The following MYCBP2 variants were observed in gnomAD, a reference collection of about 807,000 sequenced individuals.
The protein encoded by MYCBP2 is MYC binding protein 2.
MYCBP2 carries 120 observed loss-of-function variants against 525.3 expected under a neutral mutation model. The observed-to-expected ratio is 0.23, with a 90% CI of 0.20 to 0.27. The LOEUF (loss-of-function observed/expected upper bound fraction) is 0.27. MYCBP2 is among the 10% of genes least tolerant of loss of function. MYCBP2 has a pLI of 1.00. For missense variants in MYCBP2, 4,149 were observed against 5,657.1 expected, an observed-to-expected ratio of 0.73 and a Z score of 8.55; for synonymous variants, 1,894 against 1,955.8, an observed-to-expected ratio of 0.97 and a Z score of 0.83.
chr13:77,245,487 T>C (rs1482846011), intron 15 of MYCBP2, among the ~76,000 whole-genome samples: 3 of 151,854 alleles, frequency 2.0e-5, no homozygotes, highest in Non-Finnish European at 4.4e-5. Flanking sequence ...ACCATCATTC[T>C]CAGCAAACTA....
chr13:77,070,290 T>C (rs1411362780), intron 69 of MYCBP2, among the ~76,000 whole-genome samples: 1 of 152,216 alleles, frequency 6.6e-6, no homozygotes, highest in African/African-American at 2.4e-5. Flanking sequence ...CATAAATTTT[T>C]CAAAATACTT....
Position 77,224,517 on chromosome 13 carries a change from T to G in MYCBP2, c.2873A>C (p.Asn958Thr), listed in dbSNP as rs2065992041. Residue 958 changes from asparagine (N) to threonine (T), a missense_variant, in exon 20 of 83, where the codon AAT becomes ACT. Physicochemically the swap from Asn to Thr is moderately conservative, Grantham distance 65. Around this residue, in one of 21 missense-constraint regions of MYCBP2, gnomAD observed 620 missense variants for 795.5 expected, o/e 0.78. Coordinates refer to ENST00000544440, the MANE Select transcript of MYCBP2 (RefSeq NM_015057.5). ...ATAACCAAATGTATAGACATCTCCA[T>G]TTTCCATTAAAACCACTGCAACCAA... ...GFHHSVVLME[N>T]GDVYTFGYGQ... 1 of 1,605,900 alleles carries G rather than the reference T, an allele frequency of 6.2e-7. No homozygotes were observed. Among genetic ancestry groups the G allele is most frequent in the South Asian group, 1.1e-5 (1 of 89,544 alleles).
chr13:77,200,723 G>A lies in MYCBP2; in HGVS notation c.3843+4533C>T, dbSNP rs12428510. On this transcript the variant is annotated intron_variant, in intron 26 of 82. Coordinates refer to ENST00000544440, the MANE Select transcript of MYCBP2 (RefSeq NM_015057.5). ...CAGAAACTCTACAAGCCAGAAGAGA[G>A]TGGGGGCCAATATTCAACATTCTTT... 2.0e-5 allele frequency among the ~76,000 whole-genome samples: 3 copies of A among 152,316 alleles called. No individual in the cohort carries two copies. The South Asian group carries it at 6.2e-4, about 32-fold the overall frequency.
At chr13:77,323,766 T>C (rs1774318682) in intron 1 of MYCBP2, among the ~76,000 whole-genome samples, 1 of 152,198 alleles carries the variant, frequency 6.6e-6, no homozygotes, top group Non-Finnish European at 1.5e-5. Context: ...GTGCTAGACA[T>C]TGGGATTATC....
chr13:77,312,044 A>C (rs2080309163), intron 1 of MYCBP2, among the ~76,000 whole-genome samples: 1 of 152,156 alleles, frequency 6.6e-6, no homozygotes, highest in African/African-American at 2.4e-5. Flanking sequence ...TTTACATTAC[A>C]AAGATTTTTC....
At chr13:77,314,089 G>C (rs1038704476) in intron 1 of MYCBP2, among the ~76,000 whole-genome samples, 1 of 152,150 alleles carries the variant, frequency 6.6e-6, no homozygotes, top group Non-Finnish European at 1.5e-5. Flanking sequence ...TTGTAAGACA[G>C]TTTGGTGATT....
rs1172838387 is a variant in MYCBP2, at chr13:77,178,245, GA to G, written c.5134-292del. ...GCTTGTCTTATCAGTCATAATGTAT[GA>G]ATAAATCATCAGACTTTGAAAAGAG... On this transcript the variant is annotated intron_variant, in intron 34 of 82. Coordinates refer to ENST00000544440, the MANE Select transcript of MYCBP2 (RefSeq NM_015057.5). Among the ~76,000 whole-genome samples the G allele has an allele frequency of 1.1e-4, 16 of 152,126 alleles. 1 individual carries two copies.
At chr13:77,162,770 C>T (rs1382378605) in intron 43 of MYCBP2, among the ~76,000 whole-genome samples, 1 of 152,132 alleles carries the variant, frequency 6.6e-6, no homozygotes, top group East Asian at 1.9e-4. Flanking sequence ...GATTCTCCTG[C>T]CCCAGCCTCC....
chr13:77,251,001 T>C, intron 15 of MYCBP2, 150 bp downstream of exon 15: 1 of 545,896 alleles, frequency 1.8e-6, no homozygotes, highest in Non-Finnish European at 3.2e-6. Context: ...TTATAAGAAT[T>C]ATAATACTTT....
intron 18 of MYCBP2, 26 bp downstream of exon 18, chr13:77,233,130 C>T (rs549354641): frequency 6.3e-7 from 1 of 1,589,082 alleles, no homozygotes; most frequent in East Asian, 2.2e-5. Flanking sequence ...AAGTATCCCA[C>T]CTAGGTGATA....
At chr13:77,159,894 T>C (rs2057681294) in intron 44 of MYCBP2, among the ~76,000 whole-genome samples, 1 of 152,148 alleles carries the variant, frequency 6.6e-6, no homozygotes, top group African/African-American at 2.4e-5. Flanking sequence ...ATATTGTTTA[T>C]TATATATCTG....
In MYCBP2 at chr13:77,308,040, A is replaced by G. The variant is rs772246006; in HGVS notation, c.303-11366T>C. 6.6e-5 allele frequency among the ~76,000 whole-genome samples: 10 copies of G among 152,198 alleles called. No individual in the cohort carries two copies. In the South Asian group the frequency reaches 8.3e-4, roughly 13 times the overall value. Reference sequence around the variant, plus strand: ...AGTTACAAACCTTGTTCAATAAGCTATAACAACCCTAAACAATAATAGCTA... The same window carrying G: ...AGTTACAAACCTTGTTCAATAAGCTGTAACAACCCTAAACAATAATAGCTA... On this transcript the variant is annotated intron_variant, in intron 1 of 82. Coordinates refer to ENST00000544440, the MANE Select transcript of MYCBP2 (RefSeq NM_015057.5).
At chr13:77,239,563 A>C (rs1681304717) in intron 17 of MYCBP2, among the ~76,000 whole-genome samples, 1 of 152,212 alleles carries the variant, frequency 6.6e-6, no homozygotes, top group South Asian at 2.1e-4. Flanking sequence ...ATCAAACCGC[A>C]AAGTGCAAAC....
At chr13:77,108,937 C>A (rs907915065) in intron 55 of MYCBP2, among the ~76,000 whole-genome samples, 11 of 152,088 alleles carry the variant, frequency 7.2e-5, no homozygotes, top group African/African-American at 2.7e-4. Context: ...TCGTGATTCA[C>A]CCGCCTCATC....
At chr13:77,124,998 G>A (rs536063880) in intron 54 of MYCBP2, among the ~76,000 whole-genome samples, 8 of 152,220 alleles carry the variant, frequency 5.3e-5, no homozygotes, top group Non-Finnish European at 7.4e-5. Context: ...TTGGAATACC[G>A]AAGTTTCATT....
intron 2 of MYCBP2, among the ~76,000 whole-genome samples, chr13:77,292,006 T>C (rs967724990): frequency 6.6e-6 from 1 of 152,206 alleles, no homozygotes; most frequent in African/African-American, 2.4e-5. Context: ...CTGCTCTGCA[T>C]GTACGAACAT....
At chr13:77,060,342 T>C (rs1425615908) in intron 76 of MYCBP2, among the ~76,000 whole-genome samples, 2 of 152,220 alleles carry the variant, frequency 1.3e-5, no homozygotes, top group African/African-American at 4.8e-5. Flanking sequence ...AGAACATTTA[T>C]TAATGCAGTA....
chr13:77,233,209 G>A lies in MYCBP2; in HGVS notation c.2684C>T (p.Ala895Val). The A allele has an allele frequency of 6.2e-7, 1 of 1,613,812 alleles. No individual in the cohort carries two copies. Among genetic ancestry groups the A allele is most frequent in the Non-Finnish European group, 8.5e-7 (1 of 1,179,828 alleles). Residue 895 changes from alanine (A) to valine (V), a missense_variant, in exon 18 of 83, where the codon GCC becomes GTC. By Grantham distance (64) the Ala-to-Val change is moderately conservative. Around this residue, in one of 21 missense-constraint regions of MYCBP2, gnomAD observed 620 missense variants for 795.5 expected, o/e 0.78. Coordinates refer to ENST00000544440, the MANE Select transcript of MYCBP2 (RefSeq NM_015057.5). Reference protein sequence around the residue: ...IFMNHREQALARLRSHPAQLK... With the variant: ...IFMNHREQALVRLRSHPAQLK... Reference sequence around the variant, plus strand: ...CTGTGCTGGATGGGATCTGAGTCTGGCTAGAGCCTGTTCTCGATGGTTCAT... The same window carrying A: ...CTGTGCTGGATGGGATCTGAGTCTGACTAGAGCCTGTTCTCGATGGTTCAT...
At chr13:77,147,143 G>A (rs1296374972) in intron 47 of MYCBP2, among the ~76,000 whole-genome samples, 3 of 151,906 alleles carry the variant, frequency 2.0e-5, no homozygotes, top group Non-Finnish European at 4.4e-5. Flanking sequence ...ATAAACTTCT[G>A]GAAAACGTAT....
Sources: allele counts gnomAD v4.1 joint callset (sites outside exome capture counted in the v4.1 genomes callset), GRCh38; gene constraint gnomAD v4.1.1; regional missense constraint gnomAD v4.1.1; transcripts MANE v1.5; gene names NCBI Gene and HGNC (gene_info 2026-07-23, HGNC 2026-07-21).